FGF12: variants seen among roughly 807,000 people sequenced by gnomAD.
FGF12 encodes the protein fibroblast growth factor 12.
In FGF12, 14 loss-of-function variants were observed where a neutral mutation model predicts 23.6. That is an observed-to-expected ratio of 0.59 (90% confidence interval 0.39 to 0.93). FGF12 has a LOEUF of 0.93. FGF12 is among the 40% of genes least tolerant of loss of function. The pLI, the probability that FGF12 is intolerant of heterozygous loss-of-function variation, is 0.00. For missense variants in FGF12, 175 were observed against 217.8 expected, an observed-to-expected ratio of 0.80 and a Z score of 1.24; for synonymous variants, 62 against 77.3, an observed-to-expected ratio of 0.80 and a Z score of 1.04.
intron 4 of FGF12, among the ~76,000 whole-genome samples, chr3:192,175,106 G>C (rs1715783190): frequency 6.6e-6 from 1 of 152,156 alleles, no homozygotes; most frequent in East Asian, 1.9e-4. Context: ...TAAAGACTTA[G>C]ACAATCACAT....
intron 2 of FGF12, among the ~76,000 whole-genome samples, chr3:192,533,785 A>G (rs931969566): frequency 1.3e-5 from 2 of 152,184 alleles, no homozygotes; most frequent in Non-Finnish European, 2.9e-5. Context: ...ATCTCTCTCC[A>G]TAGGCTAGAA....
intron 3 of FGF12, among the ~76,000 whole-genome samples, chr3:192,355,434 G>A (rs1024854031): frequency 1.3e-5 from 2 of 152,204 alleles, no homozygotes; most frequent in African/African-American, 4.8e-5. Context: ...AAAATATCAA[G>A]AATGTGCCCA....
intron 2 of FGF12, among the ~76,000 whole-genome samples, chr3:192,381,073 T>C (rs923949746): frequency 3.9e-5 from 6 of 152,152 alleles, no homozygotes; most frequent in African/African-American, 1.4e-4. Context: ...AAACACACTG[T>C]GTATTTTGCA....
chr3:192,529,178 C>T (rs1725026776), intron 2 of FGF12, among the ~76,000 whole-genome samples: 1 of 152,168 alleles, frequency 6.6e-6, no homozygotes, highest in African/African-American at 2.4e-5. Context: ...TTTGATGGCA[C>T]CCAAGTCACA....
intron 2 of FGF12, among the ~76,000 whole-genome samples, chr3:192,429,579 T>C (rs1396236066): frequency 6.6e-6 from 1 of 152,190 alleles, no homozygotes; most frequent in African/African-American, 2.4e-5. Flanking sequence ...GCCTACACTT[T>C]ACCCAAAAGG....
intron 2 of FGF12, among the ~76,000 whole-genome samples, chr3:192,653,029 T>C (rs1716269956): frequency 6.6e-6 from 1 of 152,232 alleles, no homozygotes; most frequent in Admixed American, 6.5e-5. Flanking sequence ...ACTTCTGTTG[T>C]GACACAGAAC....
At chr3:192,492,183 T>C (rs187764769) in intron 2 of FGF12, among the ~76,000 whole-genome samples, 2 of 152,336 alleles carry the variant, frequency 1.3e-5, no homozygotes, top group East Asian at 3.9e-4. Flanking sequence ...TGTAAACACC[T>C]GATCAATACT....
intron 2 of FGF12, among the ~76,000 whole-genome samples, chr3:192,604,310 A>T (rs1714245705): frequency 6.6e-6 from 1 of 152,218 alleles, no homozygotes; most frequent in Admixed American, 6.5e-5. Flanking sequence ...GGTGACGTAC[A>T]TCCTCAGCTT....
At chr3:192,159,536 C>T (rs866172636) in intron 5 of FGF12, among the ~76,000 whole-genome samples, 3 of 152,112 alleles carry the variant, frequency 2.0e-5, no homozygotes, top group Non-Finnish European at 4.4e-5. Flanking sequence ...GTATTCTCCC[C>T]ATTTCTTGTC....
intron 4 of FGF12, among the ~76,000 whole-genome samples, chr3:192,203,783 T>C (rs1717503000): frequency 1.3e-5 from 2 of 152,110 alleles, no homozygotes; most frequent in African/African-American, 4.8e-5. Flanking sequence ...AAAATTTTTT[T>C]GTAGAGACAG....
intron 2 of FGF12, among the ~76,000 whole-genome samples, chr3:192,530,068 T>C (rs1341906836): frequency 2.6e-5 from 4 of 152,210 alleles, no homozygotes; most frequent in Non-Finnish European, 5.9e-5. Context: ...TTATTCCTCT[T>C]ATTGGATTGT....
rs74798469 is a variant in FGF12 at position 192,280,368 on chromosome 3, C to T, written c.228+54993G>A. The stretch of plus-strand genomic sequence containing the variant: ...ATTTGGTCTCTTTACTTACTAGTTA[C>T]AAAATTAGAAAATAACTCAATATTT... On this transcript the variant is annotated intron_variant, in intron 4 of 5. Coordinates refer to ENST00000445105, the MANE Select transcript of FGF12 (RefSeq NM_004113.6). 7.3e-3 allele frequency among the ~76,000 whole-genome samples: 1,109 copies of T among 152,066 alleles called. 10 individuals carry two copies. Among genetic ancestry groups the T allele is most frequent in the African/African-American group, 0.025 (1,058 of 41,500 alleles).
At chr3:192,540,618 T>C (rs1372237173) in intron 2 of FGF12, among the ~76,000 whole-genome samples, 1 of 152,178 alleles carries the variant, frequency 6.6e-6, no homozygotes, top group Non-Finnish European at 1.5e-5. Context: ...CTGCAGTTAT[T>C]GGATAAAATG....
chr3:192,140,918 T>C lies in FGF12; in HGVS notation c.*3091A>G, dbSNP rs1560163195. ...CTCCATTTGTTTCTATACTTTATTC[T>C]GCGAGCTTAAAAATCAAGTAAGGTG... On this transcript the variant is annotated 3_prime_UTR_variant, in exon 6 of 6. Coordinates refer to ENST00000445105, the MANE Select transcript of FGF12 (RefSeq NM_004113.6). 1 of 151,930 alleles carries C rather than the reference T, an allele frequency of 6.6e-6. No individual in the cohort carries two copies. Among genetic ancestry groups the C allele is most frequent in the Non-Finnish European group, 1.5e-5 (1 of 67,844 alleles). 9.4% of individuals were successfully genotyped at this position (151,930 alleles called of 1,614,324 possible).
At chr3:192,174,430 C>T (rs1342449839) in intron 4 of FGF12, among the ~76,000 whole-genome samples, 2 of 152,112 alleles carry the variant, frequency 1.3e-5, no homozygotes, top group South Asian at 4.1e-4. Context: ...ATAATTCCAA[C>T]AGGGCTATGC....
chr3:192,197,803 G>A (rs1174351160), intron 4 of FGF12, among the ~76,000 whole-genome samples: 2 of 152,006 alleles, frequency 1.3e-5, no homozygotes, highest in African/African-American at 2.4e-5. Flanking sequence ...AAAGTTAGCC[G>A]GGCGTGGTGG....
At chr3:192,370,671 T>C (rs1719187842) in intron 2 of FGF12, among the ~76,000 whole-genome samples, 1 of 152,136 alleles carries the variant, frequency 6.6e-6, no homozygotes, top group Non-Finnish European at 1.5e-5. Flanking sequence ...ATTATGAGGG[T>C]AGTATTTTAC....
intron 2 of FGF12, among the ~76,000 whole-genome samples, chr3:192,667,298 G>GCA (rs1448124454): frequency 1.3e-5 from 2 of 152,068 alleles, no homozygotes; most frequent in Non-Finnish European, 2.9e-5. Context: ...ACCCACATGA[G>GCA]CAGAGTTTTA....
At chr3:192,214,750 A>G (rs1718103824) in intron 4 of FGF12, among the ~76,000 whole-genome samples, 1 of 152,272 alleles carries the variant, frequency 6.6e-6, no homozygotes, top group African/African-American at 2.4e-5. Flanking sequence ...TTAAATATCA[A>G]CATTAGGATG....
Sources: allele counts gnomAD v4.1 joint callset (sites outside exome capture counted in the v4.1 genomes callset), GRCh38; gene constraint gnomAD v4.1.1; transcripts MANE v1.5; gene names NCBI Gene and HGNC (gene_info 2026-07-23, HGNC 2026-07-21).